The following RBPJ variants were observed in gnomAD, a reference collection of about 807,000 sequenced individuals.
RBPJ encodes recombining binding protein suppressor of hairless.
In RBPJ, 9 loss-of-function variants were observed where a neutral mutation model predicts 67.8. The ratio of observed to expected loss-of-function variants is 0.13; its 90% CI spans 0.08 to 0.23. RBPJ has a LOEUF of 0.23. RBPJ is among the 10% of genes least tolerant of loss of function. The pLI is 1.00. For synonymous variants in RBPJ, 198 were observed against 203.3 expected (o/e 0.97, Z 0.22); for missense variants, 305 against 595.6 (o/e 0.51, Z 5.08).
chr4:26,425,956 T>A (rs1735616998), intron 7 of RBPJ, among the ~76,000 whole-genome samples: 2 of 151,446 alleles, frequency 1.3e-5, no homozygotes. Context: ...TCTTTGTTAC[T>A]GTTTTTTTTT....
chr4:26,121,520 C>G, the RBPJ span, among the ~76,000 whole-genome samples: 4 of 152,102 alleles, frequency 2.6e-5, no homozygotes, highest in East Asian at 7.7e-4. Flanking sequence ...ATCAGAGCCT[C>G]AAGTCTCCAT....
At chr4:26,122,550 T>C in the RBPJ span, among the ~76,000 whole-genome samples, 1 of 152,176 alleles carries the variant, frequency 6.6e-6, no homozygotes, top group Non-Finnish European at 1.5e-5. Context: ...TGAGAACTGG[T>C]TAGGAGGAAC....
chr4:26,139,576 T>C, the RBPJ span, among the ~76,000 whole-genome samples: 1 of 152,254 alleles, frequency 6.6e-6, no homozygotes, highest in Non-Finnish European at 1.5e-5. Context: ...AGGTGAGCCT[T>C]ACCCAGGAGC....
At chr4:26,180,956 A>G (rs1218997068) in intron 1 of RBPJ, among the ~76,000 whole-genome samples, 1 of 152,152 alleles carries the variant, frequency 6.6e-6, no homozygotes, top group Non-Finnish European at 1.5e-5. Context: ...AAGATAGTGA[A>G]TAAGTCCTAC....
intron 1 of RBPJ, among the ~76,000 whole-genome samples, chr4:26,269,277 A>C (rs1720804052): frequency 6.7e-6 from 1 of 148,516 alleles, no homozygotes; most frequent in South Asian, 2.1e-4. Context: ...TTTTTTTGAC[A>C]CAGGGTCTCG....
intron 1 of RBPJ, among the ~76,000 whole-genome samples, chr4:26,380,422 G>A (rs1730199189): frequency 6.6e-6 from 1 of 152,082 alleles, no homozygotes; most frequent in Non-Finnish European, 1.5e-5. Flanking sequence ...TTTGGTGAAT[G>A]AACAAATCTG....
At chr4:26,157,242 C>A in the RBPJ span, among the ~76,000 whole-genome samples, 2 of 152,068 alleles carry the variant, frequency 1.3e-5, no homozygotes, top group African/African-American at 4.8e-5. Flanking sequence ...CCAGCCTGGG[C>A]AACTCATAAT....
chr4:26,136,863 G>C, the RBPJ span, among the ~76,000 whole-genome samples: 1 of 152,208 alleles, frequency 6.6e-6, no homozygotes, highest in Admixed American at 6.5e-5. Flanking sequence ...TCTCATAGAT[G>C]AGAAAGGTCA....
intron 1 of RBPJ, among the ~76,000 whole-genome samples, chr4:26,238,370 T>A (rs1174687523): frequency 6.6e-6 from 1 of 152,186 alleles, no homozygotes; most frequent in African/African-American, 2.4e-5. Flanking sequence ...CTCAACCAAG[T>A]TCTTAACTTC....
chr4:26,380,603 AT>A (rs1264309317), intron 1 of RBPJ, among the ~76,000 whole-genome samples: 1 of 152,036 alleles, frequency 6.6e-6, no homozygotes, highest in African/African-American at 2.4e-5. Context: ...TCTGGTTCAT[AT>A]TTGCCTTGGG....
chr4:26,244,351 ATATATATGTATG>A (rs1560226328), intron 1 of RBPJ, among the ~76,000 whole-genome samples: 72 of 3,582 alleles, frequency 0.02, 2 homozygotes, highest in Non-Finnish European at 0.033. Flanking sequence ...ATATGTGTGT[ATATATATGTATG>A]CACATATGTG....
chr4:26,337,853 A>AT (rs1560276172), intron 1 of RBPJ, among the ~76,000 whole-genome samples: 1 of 151,632 alleles, frequency 6.6e-6, no homozygotes, highest in Non-Finnish European at 1.5e-5. Flanking sequence ...GGCTTGGCTA[A>AT]TTTTTAAGTT....
chr4:26,132,764 A>G, the RBPJ span, among the ~76,000 whole-genome samples: 1 of 151,948 alleles, frequency 6.6e-6, no homozygotes, highest in Non-Finnish European at 1.5e-5. Flanking sequence ...GGTGTAACCA[A>G]CTTCTTTCTC....
the RBPJ span, among the ~76,000 whole-genome samples, chr4:26,140,911 T>C: frequency 2.0e-5 from 3 of 151,996 alleles, no homozygotes; most frequent in African/African-American, 7.3e-5. Flanking sequence ...AATTCTAACA[T>C]AGCAAGGAAA....
At chr4:26,389,620 G>C (rs867450482) in intron 2 of RBPJ, among the ~76,000 whole-genome samples, 38 of 149,750 alleles carry the variant, frequency 2.5e-4, no homozygotes, top group African/African-American at 9.1e-4. Flanking sequence ...AACAAGAAAG[G>C]TGACATCACT....
chr4:26,409,060 A>G (rs774345049), intron 3 of RBPJ, among the ~76,000 whole-genome samples: 5 of 152,170 alleles, frequency 3.3e-5, no homozygotes, highest in Non-Finnish European at 5.9e-5. Flanking sequence ...TTGAAGATGC[A>G]TTTTAGTACA....
At chr4:26,339,647 A>G (rs1725287375) in intron 1 of RBPJ, among the ~76,000 whole-genome samples, 1 of 151,880 alleles carries the variant, frequency 6.6e-6, no homozygotes, top group South Asian at 2.1e-4. Context: ...AAACAAACGA[A>G]CAAAAAAAAC....
At chr4:26,294,830 C>T (rs747733647) in intron 1 of RBPJ, among the ~76,000 whole-genome samples, 25 of 151,170 alleles carry the variant, frequency 1.7e-4, no homozygotes, top group Non-Finnish European at 2.7e-4. Context: ...GAGCTGAGAT[C>T]GCGCCATTGC....
chr4:26,174,319 G>C (rs4343715), intron 1 of RBPJ, among the ~76,000 whole-genome samples: 66,005 of 151,976 alleles, frequency 0.43, 14,834 homozygotes, highest in Admixed American at 0.5. Context: ...GACTTCCTCT[G>C]GTGACTGACA....
Sources: allele counts gnomAD v4.1 joint callset (sites outside exome capture counted in the v4.1 genomes callset), GRCh38; gene constraint gnomAD v4.1.1; transcripts MANE v1.5; gene names NCBI Gene and HGNC (gene_info 2026-07-23, HGNC 2026-07-21).